Variants in CERCAM observed in about 807,000 individuals in gnomAD.
The protein encoded by CERCAM is inactive glycosyltransferase 25 family member 3.
CERCAM carries 59 observed loss-of-function variants against 66.0 expected under a neutral mutation model. The ratio of observed to expected loss-of-function variants is 0.89; its 90% CI spans 0.73 to 1.11. CERCAM has a LOEUF of 1.11. Ranked by LOEUF, CERCAM falls within the 50% of genes most tolerant of loss-of-function variation. The probability of loss-of-function intolerance (pLI) is 0.00; values close to 1 mark genes in which losing one functional copy is unlikely to be tolerated. For missense variants in CERCAM, 840 were observed against 828.3 expected (o/e 1.01, Z -0.17); for synonymous variants, 318 against 343.6 (o/e 0.93, Z 0.83).
rs62587136 is a variant in CERCAM, at chr9:128,421,104, G to A, written c.197+30G>A. 11 of 1,274,340 alleles carry A rather than the reference G, an allele frequency of 8.6e-6. No homozygotes were observed. The South Asian group carries it at 2.3e-4, about 27-fold the overall frequency. The allele number at this position is 1,274,340 out of a possible 1,614,324, so 78.9% of individuals were successfully genotyped here. On this transcript the variant is annotated intron_variant, in intron 1 of 12. Transcript: ENST00000372838. ...GAGACCCGGGCATTGGCACCGAGTG[G>A]GCACCTAACCCCCAGCTTCGCAGAT...
intron 1 of CERCAM, chr9:128,421,587 G>A: frequency 7.4e-6 from 7 of 940,626 alleles, no homozygotes; most frequent in Non-Finnish European, 8.9e-6. Flanking sequence ...CCCCGTGCTG[G>A]GGCCAGCTCT....
chr9:128,434,334 T>G lies in CERCAM; in HGVS notation c.1332-76T>G. 6.2e-7 allele frequency: 1 copy of G among 1,603,448 alleles called. No individual in the cohort carries two copies. Among genetic ancestry groups the G allele is most frequent in the Non-Finnish European group, 8.5e-7 (1 of 1,172,778 alleles). On this transcript the variant is annotated intron_variant, in intron 10 of 12. Coordinates refer to ENST00000372838, the MANE Select transcript of CERCAM (RefSeq NM_016174.5). This position sits in a 1 kb window ranked among gnomAD's most constrained non-coding sequence, Gnocchi z 4.5. Reference sequence around the variant, plus strand: ...GGCCCATCCCCTGAGAGCCTGGCCCTGTAGGAGCGGGTGTGGGAGGGTCCC... The same window carrying G: ...GGCCCATCCCCTGAGAGCCTGGCCCGGTAGGAGCGGGTGTGGGAGGGTCCC...
chr9:128,421,585 TG>T, intron 1 of CERCAM: 1 of 937,298 alleles, frequency 1.1e-6, no homozygotes, highest in Non-Finnish European at 1.3e-6. Flanking sequence ...GCCCCCGTGC[TG>T]GGGCCAGCTC....
Position 128,434,745 on chromosome 9 carries a change from A to T in CERCAM, c.1535+132A>T. On this transcript the variant is annotated intron_variant, in intron 11 of 12. Coordinates refer to ENST00000372838, the MANE Select transcript of CERCAM (RefSeq NM_016174.5). This position sits in a 1 kb window ranked among gnomAD's most constrained non-coding sequence, Gnocchi z 4.5. ...CTGGCAAGGCCAAGCCACTTGGCCC[A>T]GGTCACCAAGGAGTGGCTCAGCCTA... 2 of 824,164 alleles carry T rather than the reference A, an allele frequency of 2.4e-6. No homozygotes were observed. Among genetic ancestry groups the T allele is most frequent in the Non-Finnish European group, 3.8e-6 (2 of 530,844 alleles). The allele number at this position is 824,164 out of a possible 1,614,324, so 51.1% of individuals were successfully genotyped here.
intron 1 of CERCAM, 142 bp downstream of exon 1, chr9:128,421,216 G>C: frequency 8.1e-7 from 1 of 1,236,370 alleles, no homozygotes; most frequent in Non-Finnish European, 1.0e-6. Flanking sequence ...GGCCCTGCCA[G>C]CCCGAGCCGC....
Position 128,435,830 on chromosome 9 carries a change from C to T in CERCAM, c.1713C>T (p.Thr571=). Residue 571 remains threonine, a synonymous_variant, in exon 12 of 13, where the codon ACC becomes ACT. Coordinates refer to ENST00000372838, the MANE Select transcript of CERCAM (RefSeq NM_016174.5). ...RLISWSGSQK[T]LRSPRLDLTG... ...TCAGCTGGAGCGGCTCCCAAAAGAC[C>T]CTGCGCAGCCCCCGCCTGGACCTGA... The T allele has an allele frequency of 6.2e-7, 1 of 1,610,382 alleles. No individual in the cohort carries two copies. Among genetic ancestry groups the T allele is most frequent in the African/African-American group, 1.3e-5 (1 of 74,990 alleles).
In CERCAM at chr9:128,434,172, G is replaced by A. The variant is rs1834047234; in HGVS notation, c.1274G>A (p.Gly425Glu). The A allele has an allele frequency of 3.7e-6, 6 of 1,614,194 alleles. No individual in the cohort carries two copies. The highest frequency in any genetic ancestry group is 5.1e-6 in the Non-Finnish European group (6 of 1,180,022). ...DDVRFESNFR[G>E]RLERLMEDVE... ...GTGCGCTTTGAGAGCAACTTCAGGGGGCGGCTGGAGCGGCTGATGGAGGAT... is the reference window on the plus strand; with the variant it reads ...GTGCGCTTTGAGAGCAACTTCAGGGAGCGGCTGGAGCGGCTGATGGAGGAT... The change falls in exon 10 of 13, where the codon GGG becomes GAG. Residue 425 changes from glycine to glutamate, a missense_variant. Physicochemically the swap from Gly to Glu is moderately conservative, Grantham distance 98. Coordinates refer to ENST00000372838, the MANE Select transcript of CERCAM (RefSeq NM_016174.5). This position sits in a 1 kb window ranked among gnomAD's most constrained non-coding sequence, Gnocchi z 4.5.
chr9:128,431,131 T>C (rs757138276), intron 8 of CERCAM, 40 bp from the exon 9 acceptor site: 1 of 1,606,214 alleles, frequency 6.2e-7, no homozygotes, highest in South Asian at 1.1e-5. Flanking sequence ...GAGGGGTCTC[T>C]GGCAGGCACC....
chr9:128,421,007 C>A lies in CERCAM; in HGVS notation c.130C>A (p.His44Asn). The change falls in exon 1 of 13, where the codon CAC (histidine) becomes AAC (asparagine). Residue 44 changes from histidine to asparagine, a missense_variant. By Grantham distance (68) the His-to-Asn change is moderately conservative. Transcript: ENST00000372838. ...VLAILARNAE[H>N]SLPHYLGALE... is the part of the protein sequence containing the mutation. ...TGCCATCCTGGCCCGCAATGCCGAA[C>A]ACTCGCTGCCCCACTACCTGGGCGC... 6.8e-7 allele frequency: 1 copy of A among 1,461,546 alleles called. No homozygotes were observed. The highest frequency in any genetic ancestry group is 9.0e-7 in the Non-Finnish European group (1 of 1,106,706). The allele number at this position is 1,461,546 out of a possible 1,614,324, so 90.5% of individuals were successfully genotyped here. A position where few individuals can be genotyped will look rare whatever the true frequency, so the allele number is the denominator to read the frequency against.
chr9:128,429,336 C>T (rs1195574219), intron 8 of CERCAM, among the ~76,000 whole-genome samples: 5 of 152,130 alleles, frequency 3.3e-5, no homozygotes, highest in Admixed American at 2.0e-4. Context: ...ATCTCTCAGC[C>T]CGTTTGTATA....
chr9:128,424,757 T>TTC, intron 5 of CERCAM, 143 bp downstream of exon 5: 1 of 710,734 alleles, frequency 1.4e-6, no homozygotes, highest in Non-Finnish European at 2.3e-6. Flanking sequence ...GAGTTTTCTT[T>TTC]TCTCTCTCTT....
In CERCAM at chr9:128,422,981, G is replaced by T. The variant is rs1833745884; in HGVS notation, c.308+3G>T. The T allele has an allele frequency of 6.2e-7, 1 of 1,613,558 alleles. No individual in the cohort carries two copies. Among genetic ancestry groups the T allele is most frequent in the South Asian group, 1.1e-5 (1 of 91,076 alleles). On this transcript the variant is annotated splice_donor_region_variant and intron_variant, in intron 2 of 12. Coordinates refer to ENST00000372838, the MANE Select transcript of CERCAM (RefSeq NM_016174.5). ...TGGAGGCCTGAGGGCGAGCCCAGGT[G>T]GTGATCTGAGGGGAAGGGTGCTGGG...
intron 8 of CERCAM, among the ~76,000 whole-genome samples, chr9:128,430,432 G>C (rs1352421932): frequency 6.6e-6 from 1 of 151,834 alleles, no homozygotes; most frequent in African/African-American, 2.4e-5. Context: ...GAGAGATGGG[G>C]TTTTTCTCTG....
rs1833750016 is a variant in CERCAM, at chr9:128,423,134, C to G, written c.309-12C>G. On this transcript the variant is annotated splice_polypyrimidine_tract_variant and intron_variant, in intron 2 of 12. Transcript: ENST00000372838. ...TGTACCCCATGGGAACATCTCACCT[C>G]TATCCCCTCAGGTTCTACCCAGATG... The G allele has an allele frequency of 2.5e-6, 4 of 1,613,474 alleles. No individual in the cohort carries two copies. Among genetic ancestry groups the G allele is most frequent in the Middle Eastern group, 1.6e-4 (1 of 6,082 alleles).
In CERCAM at chr9:128,434,425, G is replaced by A. The variant is rs7259; in HGVS notation, c.1347G>A (p.Lys449=). The A allele has an allele frequency of 0.21, 346,125 of 1,612,898 alleles. 45,610 individuals carry two copies. Among genetic ancestry groups the A allele is most frequent in the African/African-American group, 0.62 (46,430 of 74,848 alleles). The change falls in exon 11 of 13, where the codon AAG becomes AAA. Residue 449 remains lysine (K), a synonymous_variant. Coordinates refer to ENST00000372838, the MANE Select transcript of CERCAM (RefSeq NM_016174.5). This position sits in a 1 kb window ranked among gnomAD's most constrained non-coding sequence, Gnocchi z 4.5. ...LSWDLIYLGR[K]QVNPEKETAV... is the part of the protein sequence containing the mutation. The stretch of plus-strand genomic sequence containing the variant: ...TCACTTACAGCTACCTCGGACGGAA[G>A]CAGGTGAACCCTGAGAAGGAGACGG...
At position 128,420,930 on chromosome 9, in the gene CERCAM, C is replaced by G. The variant is rs983472984; in HGVS notation, c.53C>G (p.Pro18Arg). ...PLLQLLLLLG[P>R]WLEAAGVAES... ...CTCCAGCTGCTGCTCCTGCTGGGGCCGTGGCTGGAGGCTGCGGGCGTTGCG... is the reference window on the plus strand; with the variant it reads ...CTCCAGCTGCTGCTCCTGCTGGGGCGGTGGCTGGAGGCTGCGGGCGTTGCG... Residue 18 changes from proline to arginine, a missense_variant, in exon 1 of 13, where the codon CCG becomes CGG. Coordinates refer to ENST00000372838, the MANE Select transcript of CERCAM (RefSeq NM_016174.5). This position sits in a 1 kb window ranked among gnomAD's most constrained non-coding sequence, Gnocchi z 5.0. 4 of 1,439,018 alleles carry G rather than the reference C, an allele frequency of 2.8e-6. No homozygotes were observed. The East Asian group carries it at 9.1e-5, about 33-fold the overall frequency. The allele number at this position is 1,439,018 out of a possible 1,614,324, so 89.1% of individuals were successfully genotyped here.
Position 128,422,911 on chromosome 9 carries a change from C to T in CERCAM, c.241C>T (p.Gln81Ter). Residue 81 changes from glutamine (Q) to a stop codon, truncating the protein, a stop_gained, in exon 2 of 13, where the codon CAG becomes TAG. Transcript: ENST00000372838. LOFTEE classifies it high-confidence loss of function. ...TGTGGACAACACCACAGAGATGCTG[C>T]AGGAGTGGCTGGCGGCTGTGGGCGA... ...HNVDNTTEML[Q>*]EWLAAVGDDY... 6.2e-7 allele frequency: 1 copy of T among 1,614,116 alleles called. No homozygotes were observed. The highest frequency in any genetic ancestry group is 8.5e-7 in the Non-Finnish European group (1 of 1,180,022).
Position 128,435,664 on chromosome 9 carries a change from A to G in CERCAM, c.1547A>G (p.Lys516Arg), listed in dbSNP as rs781082950. 1.9e-6 allele frequency: 3 copies of G among 1,611,998 alleles called. No homozygotes were observed. Among genetic ancestry groups the G allele is most frequent in the Non-Finnish European group, 2.5e-6 (3 of 1,179,108 alleles). ...MFDQHPNEQYKAHFWPRDLVA... is the reference protein window; with the variant it reads ...MFDQHPNEQYRAHFWPRDLVA... ...CTCTCACCTTACAGCGAGCAGTACAAGGCACACTTCTGGCCACGGGACCTG... is the reference window on the plus strand; with the variant it reads ...CTCTCACCTTACAGCGAGCAGTACAGGGCACACTTCTGGCCACGGGACCTG... Residue 516 changes from lysine (K) to arginine (R), a missense_variant, in exon 12 of 13, where the codon AAG becomes AGG. Coordinates refer to ENST00000372838, the MANE Select transcript of CERCAM (RefSeq NM_016174.5).
At position 128,420,869 on chromosome 9, in the gene CERCAM, G is replaced by C; in HGVS notation, c.-9G>C. ...TCCGGGGGCCGCTGCAGCCGCCCAA[G>C]CGCCCGCCATGCGCGCTGCCCGCGC... On this transcript the variant is annotated 5_prime_UTR_variant, in exon 1 of 13. Coordinates refer to ENST00000372838, the MANE Select transcript of CERCAM (RefSeq NM_016174.5). This position sits in a 1 kb window ranked among gnomAD's most constrained non-coding sequence, Gnocchi z 5.0. The C allele has an allele frequency of 8.0e-7, 1 of 1,243,934 alleles. No homozygotes were observed. Among genetic ancestry groups the C allele is most frequent in the Non-Finnish European group, 1.0e-6 (1 of 991,464 alleles). 77.1% of individuals were successfully genotyped at this position (1,243,934 alleles called of 1,614,324 possible). A position where few individuals can be genotyped will look rare whatever the true frequency, so the allele number is the denominator to read the frequency against.
Sources: gnomAD v4.1 joint callset for allele counts (sites outside exome capture counted in the v4.1 genomes callset) on GRCh38, gnomAD v4.1.1 for gene constraint, Gnocchi (gnomAD v3.1) non-coding constraint, MANE v1.5 for transcripts, NCBI Gene and HGNC (gene_info 2026-07-23, HGNC 2026-07-21) for gene names.